The following PPIG variants were observed in gnomAD, a reference collection of about 807,000 sequenced individuals.
The protein encoded by PPIG is peptidyl-prolyl cis-trans isomerase G.
A neutral mutation model predicts 87.9 loss-of-function variants in PPIG; 26 were observed. The observed-to-expected ratio is 0.30, with a 90% CI of 0.22 to 0.41. The LOEUF is 0.41. Among genes scored for constraint, PPIG ranks in the 10% least tolerant of loss-of-function variants. The pLI is 1.00. For synonymous variants in PPIG, 308 were observed against 276.5 expected, an observed-to-expected ratio of 1.11 and a Z score of -1.13; for missense variants, 722 against 879.4, an observed-to-expected ratio of 0.82 and a Z score of 2.26.
At chr2:169,635,873 A>T (rs1408893436) in intron 12 of PPIG, among the ~76,000 whole-genome samples, 2 of 152,176 alleles carry the variant, frequency 1.3e-5, no homozygotes, top group Non-Finnish European at 2.9e-5. Context: ...AAAATTGGGA[A>T]ATTTTAGTAA....
intron 9 of PPIG, among the ~76,000 whole-genome samples, chr2:169,624,851 G>A (rs555309467): frequency 2.0e-5 from 3 of 152,192 alleles, no homozygotes; most frequent in East Asian, 1.9e-4. Flanking sequence ...CGGCCTCCCA[G>A]AGTGCTGGGA....
Position 169,636,501 on chromosome 2 carries a change from A to T in PPIG, c.1243A>T (p.Ser415Cys). ...KITDHRNVSE[S>C]PNRKNEKEKK... ...AACAGATCACAGGAATGTATCTGAG[A>T]GTCCAAACAGAAAAAATGAAAAGGA... The change falls in exon 14 of 14, where the codon AGT (serine) becomes TGT (cysteine). Residue 415 changes from serine (S) to cysteine (C), a missense_variant. Coordinates refer to ENST00000260970, the MANE Select transcript of PPIG (RefSeq NM_004792.3). 1 of 1,608,270 alleles carries T rather than the reference A, an allele frequency of 6.2e-7. No individual in the cohort carries two copies. Among genetic ancestry groups the T allele is most frequent in the Non-Finnish European group, 8.5e-7 (1 of 1,178,138 alleles).
intron 1 of PPIG, among the ~76,000 whole-genome samples, chr2:169,602,927 G>C (rs989471287): frequency 6.6e-6 from 1 of 152,150 alleles, no homozygotes; most frequent in African/African-American, 2.4e-5. Flanking sequence ...GAACTTTTGG[G>C]ATAGTTTTTG....
intron 7 of PPIG, among the ~76,000 whole-genome samples, chr2:169,610,018 A>T (rs1377848439): frequency 6.6e-6 from 1 of 152,216 alleles, no homozygotes; most frequent in Non-Finnish European, 1.5e-5. Flanking sequence ...TACAAAAAAA[A>T]TTATGACCAG....
chr2:169,617,595 A>G (rs968675935), intron 9 of PPIG, among the ~76,000 whole-genome samples: 1 of 152,018 alleles, frequency 6.6e-6, no homozygotes, highest in Non-Finnish European at 1.5e-5. Flanking sequence ...TTGTGTTCCT[A>G]GGTTTTTTAT....
chr2:169,591,189 C>G (rs1408172548), intron 1 of PPIG, among the ~76,000 whole-genome samples: 4 of 152,074 alleles, frequency 2.6e-5, no homozygotes, highest in African/African-American at 9.7e-5. Flanking sequence ...TATTTTTGTC[C>G]TGTTTTTCAT....
intron 9 of PPIG, among the ~76,000 whole-genome samples, chr2:169,622,815 T>TA (rs1420577425): frequency 6.6e-6 from 1 of 152,262 alleles, no homozygotes; most frequent in African/African-American, 2.4e-5. Flanking sequence ...AGCTATATCT[T>TA]ACATCCACTT....
chr2:169,625,571 TGTTA>T (rs1483094495), intron 9 of PPIG, among the ~76,000 whole-genome samples: 1 of 152,228 alleles, frequency 6.6e-6, no homozygotes, highest in Non-Finnish European at 1.5e-5. Context: ...AGGAGTGTGA[TGTTA>T]GTGTCTCCTT....
At chr2:169,633,290 G>A (rs766157851) in intron 12 of PPIG, 43 bp downstream of exon 12, 1 of 1,394,182 alleles carries the variant, frequency 7.2e-7, no homozygotes, top group Admixed American at 1.7e-5. Flanking sequence ...TATTGCATTT[G>A]TCTTCCTTAA....
At chr2:169,618,844 G>T in intron 9 of PPIG, among the ~76,000 whole-genome samples, 1 of 150,318 alleles carries the variant, frequency 6.7e-6, no homozygotes. Flanking sequence ...TTTTTTAAAG[G>T]GTTTTTTGTT....
At chr2:169,602,014 A>T (rs930038261) in intron 1 of PPIG, among the ~76,000 whole-genome samples, 5 of 152,234 alleles carry the variant, frequency 3.3e-5, no homozygotes, top group African/African-American at 7.2e-5. Context: ...TCCAAAATGT[A>T]AACTTTCTGA....
At chr2:169,596,765 T>C (rs1025916015) in intron 1 of PPIG, among the ~76,000 whole-genome samples, 1 of 152,018 alleles carries the variant, frequency 6.6e-6, no homozygotes, top group African/African-American at 2.4e-5. Context: ...TGTGGCGCAA[T>C]CTCAGCTCAC....
intron 1 of PPIG, among the ~76,000 whole-genome samples, chr2:169,596,585 TCCC>T (rs1559175735): frequency 6.6e-6 from 1 of 151,998 alleles, no homozygotes; most frequent in Non-Finnish European, 1.5e-5. Flanking sequence ...AGGGCCTCAC[TCCC>T]CATGAAACCT....
At chr2:169,628,939 CAA>C (rs71006010) in intron 9 of PPIG, among the ~76,000 whole-genome samples, 6 of 92,328 alleles carry the variant, frequency 6.5e-5, no homozygotes, top group East Asian at 4.4e-4. Flanking sequence ...ACCCTGTCTC[CAA>C]AAAAAAAAAA....
At chr2:169,605,163 A>G (rs531020070) in intron 4 of PPIG, among the ~76,000 whole-genome samples, 1 of 151,850 alleles carries the variant, frequency 6.6e-6, no homozygotes, top group South Asian at 2.1e-4. Context: ...GTGAAACCTC[A>G]TCTCTACTGA....
At chr2:169,616,923 A>G (rs1685622237) in intron 9 of PPIG, among the ~76,000 whole-genome samples, 1 of 152,120 alleles carries the variant, frequency 6.6e-6, no homozygotes, top group Admixed American at 6.5e-5. Context: ...TTCTTTGCCC[A>G]TGCCTGTGTC....
At chr2:169,605,732 C>G (rs1867920) in intron 4 of PPIG, among the ~76,000 whole-genome samples, 61,319 of 151,084 alleles carry the variant, frequency 0.41, 13,019 homozygotes, top group East Asian at 0.59. Context: ...CCAGGAGGCG[C>G]AGGTTGCAGT....
Position 169,611,892 on chromosome 2 carries a change from A to G in PPIG, c.378-2572A>G, listed in dbSNP as rs529191701. On this transcript the variant is annotated intron_variant, in intron 7 of 13. Coordinates refer to ENST00000260970, the MANE Select transcript of PPIG (RefSeq NM_004792.3). ...ATTTTTAGAGAGCTTCAGTCTTAAA[A>G]AAAATTTTTTTGTACTATAACATAT... 9.2e-5 allele frequency among the ~76,000 whole-genome samples: 14 copies of G among 152,284 alleles called. No homozygotes were observed. The East Asian group carries it at 2.7e-3, about 29-fold the overall frequency.
intron 11 of PPIG, 77 bp from the exon 12 acceptor site, chr2:169,633,083 A>G (rs898684566): frequency 2.6e-6 from 3 of 1,157,580 alleles, no homozygotes; most frequent in Admixed American, 1.7e-5. Flanking sequence ...GCCCAGATTC[A>G]TTTTTATTAA....
Sources: allele counts gnomAD v4.1 joint callset (sites outside exome capture counted in the v4.1 genomes callset), GRCh38; gene constraint gnomAD v4.1.1; transcripts MANE v1.5; gene names NCBI Gene and HGNC (gene_info 2026-07-23, HGNC 2026-07-21).